Variants in TSPAN5 observed in about 807,000 individuals in gnomAD.
TSPAN5 encodes the protein tetraspanin-5.
In TSPAN5, 10 loss-of-function variants were observed where a neutral mutation model predicts 37.1. The observed-to-expected ratio is 0.27, with a 90% CI of 0.17 to 0.46. TSPAN5 has a LOEUF of 0.46. Ranked by LOEUF, TSPAN5 falls within the 20% of genes least tolerant of loss-of-function variation. The probability of loss-of-function intolerance (pLI) is 1.00; values close to 1 mark genes in which losing one functional copy is unlikely to be tolerated. For synonymous variants in TSPAN5, 110 were observed against 118.9 expected, an observed-to-expected ratio of 0.93 and a Z score of 0.48; for missense variants, 195 against 326.6, an observed-to-expected ratio of 0.60 and a Z score of 3.11.
chr4:98,549,306 T>G (rs866939913), intron 1 of TSPAN5, among the ~76,000 whole-genome samples: 7,236 of 148,694 alleles, frequency 0.049, 455 homozygotes, highest in Admixed American at 0.12. Flanking sequence ...GTTTTTGTTT[T>G]TTTTTGTTTT....
intron 2 of TSPAN5, among the ~76,000 whole-genome samples, chr4:98,502,751 G>C (rs1159457178): frequency 2.6e-5 from 4 of 152,078 alleles, no homozygotes; most frequent in Non-Finnish European, 4.4e-5. Flanking sequence ...TGACACCCAA[G>C]GGCACACATA....
At chr4:98,611,882 C>T (rs555052256) in intron 1 of TSPAN5, among the ~76,000 whole-genome samples, 2 of 152,252 alleles carry the variant, frequency 1.3e-5, no homozygotes, top group Non-Finnish European at 2.9e-5. Flanking sequence ...TGGCCTGGGC[C>T]GTGGAGGGTG....
intron 1 of TSPAN5, among the ~76,000 whole-genome samples, chr4:98,657,339 C>T (rs530847074): frequency 6.6e-6 from 1 of 152,066 alleles, no homozygotes; most frequent in East Asian, 1.9e-4. Context: ...CCCAATAAAA[C>T]ATGCCTCGCA....
In TSPAN5 at chr4:98,658,349, C is replaced by G. The variant is rs992938968; in HGVS notation, c.-123G>C. ...ACACCGCACGGGGCCGCGGCGCTGGCGGCCTGGGCTCAGCCGCGCGGGGAC... is the reference window on the plus strand; with the variant it reads ...ACACCGCACGGGGCCGCGGCGCTGGGGGCCTGGGCTCAGCCGCGCGGGGAC... On this transcript the variant is annotated 5_prime_UTR_variant, in exon 1 of 8. Coordinates refer to ENST00000305798, the MANE Select transcript of TSPAN5 (RefSeq NM_005723.4). The G allele has an allele frequency of 1.0e-5, 8 of 787,954 alleles. No homozygotes were observed. The highest frequency in any genetic ancestry group is 1.7e-5 in the Non-Finnish European group (8 of 476,936). The allele number at this position is 787,954 out of a possible 1,614,324, so 48.8% of individuals were successfully genotyped here. A position where few individuals can be genotyped will look rare whatever the true frequency, so the allele number is the denominator to read the frequency against.
intron 1 of TSPAN5, among the ~76,000 whole-genome samples, chr4:98,552,646 A>G (rs1371590989): frequency 6.6e-6 from 1 of 152,178 alleles, no homozygotes; most frequent in Non-Finnish European, 1.5e-5. Flanking sequence ...TTGTCCAGTA[A>G]GACTCATCCT....
Position 98,548,886 on chromosome 4 carries a change from G to GGTGTGTGTGT in TSPAN5, c.82-41168_82-41159dup, listed in dbSNP as rs142527701. ...TTTTTATCGCTGCATAGTATTCCAA[G>GGTGTGTGTGT]GTGTGTGTGTGTGTGTGTGTGTGTG... is the stretch of plus-strand genomic sequence containing the variant. On this transcript the variant is annotated intron_variant, in intron 1 of 7. Transcript: ENST00000305798. 5.3e-3 allele frequency among the ~76,000 whole-genome samples: 305 copies of GGTGTGTGTGT among 57,454 alleles called. 1 individual carries two copies. Among genetic ancestry groups the GGTGTGTGTGT allele is most frequent in the African/African-American group, 0.011 (251 of 21,868 alleles). The allele number at this position is 57,454 out of a possible 152,430, so 37.7% of individuals were successfully genotyped here.
At chr4:98,571,821 G>A (rs558535394) in intron 1 of TSPAN5, among the ~76,000 whole-genome samples, 111 of 152,232 alleles carry the variant, frequency 7.3e-4, no homozygotes, top group Middle Eastern at 6.8e-3. Context: ...TTGTTCACAC[G>A]TTCAAGAAAC....
At chr4:98,501,540 A>C (rs1410143539) in intron 2 of TSPAN5, among the ~76,000 whole-genome samples, 1 of 152,230 alleles carries the variant, frequency 6.6e-6, no homozygotes, top group Admixed American at 6.5e-5. Context: ...AGGAAGGGGA[A>C]GAAAGGGCTA....
intron 1 of TSPAN5, among the ~76,000 whole-genome samples, chr4:98,623,896 C>G (rs1756534443): frequency 6.6e-6 from 1 of 152,074 alleles, no homozygotes; most frequent in Non-Finnish European, 1.5e-5. Context: ...TCAATTTTAT[C>G]CATTTACAGA....
At chr4:98,553,378 G>C (rs960343224) in intron 1 of TSPAN5, among the ~76,000 whole-genome samples, 1 of 152,170 alleles carries the variant, frequency 6.6e-6, no homozygotes, top group Non-Finnish European at 1.5e-5. Context: ...AAAAACTACT[G>C]TCTCTATGTG....
intron 1 of TSPAN5, among the ~76,000 whole-genome samples, chr4:98,592,435 T>TTTTTTG (rs1560550838): frequency 4.7e-5 from 7 of 147,874 alleles, no homozygotes; most frequent in African/African-American, 1.8e-4. Flanking sequence ...TTTGTTTTTT[T>TTTTTTG]TTTTTTTTTT....
chr4:98,507,535 C>T (rs1194535749), intron 2 of TSPAN5, 143 bp downstream of exon 2: 2 of 544,628 alleles, frequency 3.7e-6, no homozygotes, highest in Non-Finnish European at 6.3e-6. Flanking sequence ...GAGAGTATGA[C>T]ATTAATCTTC....
At chr4:98,565,707 C>A (rs1272812124) in intron 1 of TSPAN5, among the ~76,000 whole-genome samples, 2 of 152,294 alleles carry the variant, frequency 1.3e-5, no homozygotes, top group Admixed American at 1.3e-4. Flanking sequence ...GCCTTTATCA[C>A]AAGCAGCTGA....
chr4:98,600,749 AATATTT>A (rs774911954), intron 1 of TSPAN5, among the ~76,000 whole-genome samples: 1 of 152,204 alleles, frequency 6.6e-6, no homozygotes, highest in Non-Finnish European at 1.5e-5. Context: ...AACACCAGTT[AATATTT>A]ATATTTGTAC....
At chr4:98,648,069 T>C (rs1757106705) in intron 1 of TSPAN5, among the ~76,000 whole-genome samples, 2 of 152,306 alleles carry the variant, frequency 1.3e-5, no homozygotes, top group Admixed American at 6.5e-5. Flanking sequence ...ATATTCCACA[T>C]TGAAGCTTTC....
intron 1 of TSPAN5, among the ~76,000 whole-genome samples, chr4:98,651,119 A>G (rs1001856404): frequency 3.9e-5 from 6 of 152,228 alleles, no homozygotes; most frequent in Admixed American, 2.6e-4. Context: ...ACCTTGATCA[A>G]GTGACCATCA....
intron 1 of TSPAN5, among the ~76,000 whole-genome samples, chr4:98,515,406 A>G (rs1578959900): frequency 6.6e-6 from 1 of 152,034 alleles, no homozygotes; most frequent in South Asian, 2.1e-4. Flanking sequence ...ACATTTCTCA[A>G]CCTGCCCCTC....
chr4:98,598,975 G>C (rs1224053351), intron 1 of TSPAN5, among the ~76,000 whole-genome samples: 1 of 152,192 alleles, frequency 6.6e-6, no homozygotes, highest in South Asian at 2.1e-4. Context: ...AGAGCAACAG[G>C]AAAATCCTGT....
At chr4:98,581,098 A>G (rs1377977072) in intron 1 of TSPAN5, among the ~76,000 whole-genome samples, 1 of 152,236 alleles carries the variant, frequency 6.6e-6, no homozygotes, top group Non-Finnish European at 1.5e-5. Flanking sequence ...GAGGCCCACC[A>G]TGCACTGATA....
Sources: gnomAD v4.1 joint callset for allele counts (sites outside exome capture counted in the v4.1 genomes callset) on GRCh38, gnomAD v4.1.1 for gene constraint, MANE v1.5 for transcripts, NCBI Gene and HGNC (gene_info 2026-07-23, HGNC 2026-07-21) for gene names.